The following ARID2 variants were observed in gnomAD, a reference collection of about 807,000 sequenced individuals.
ARID2 encodes the protein AT-rich interaction domain 2, also known as AT-rich interactive domain-containing protein 2.
Under a neutral mutation model 184.6 loss-of-function variants are expected in ARID2, and 32 were observed. The ratio of observed to expected loss-of-function variants is 0.17; its 90% CI spans 0.13 to 0.23. The LOEUF (loss-of-function observed/expected upper bound fraction) is 0.23. ARID2 is among the 10% of genes least tolerant of loss of function. ARID2 has a pLI of 1.00. For missense variants in ARID2, 1,696 were observed against 2,197.6 expected (o/e 0.77, Z 4.56); for synonymous variants, 836 against 772.6 (o/e 1.08, Z -1.36).
intron 3 of ARID2, among the ~76,000 whole-genome samples, chr12:45,783,064 G>C (rs1942126775): frequency 6.6e-6 from 1 of 151,806 alleles, no homozygotes. Flanking sequence ...AACCTGGGAG[G>C]CAGAGGTTGC....
chr12:45,867,425 A>G (rs962904383), intron 16 of ARID2, among the ~76,000 whole-genome samples: 7 of 151,210 alleles, frequency 4.6e-5, no homozygotes, highest in African/African-American at 1.7e-4. Flanking sequence ...CCTAATTTTA[A>G]CTTTTTTCTA....
At chr12:45,854,809 G>T (rs552117315) in intron 15 of ARID2, among the ~76,000 whole-genome samples, 2 of 152,168 alleles carry the variant, frequency 1.3e-5, no homozygotes, top group Non-Finnish European at 2.9e-5. Flanking sequence ...TAGCTAAGAC[G>T]AGGACATGTC....
chr12:45,876,289 G>A (rs768898824), intron 16 of ARID2, among the ~76,000 whole-genome samples: 11 of 152,190 alleles, frequency 7.2e-5, no homozygotes, highest in Non-Finnish European at 1.5e-4. Flanking sequence ...AGTGGCTCAC[G>A]CCTGTAATCC....
intron 3 of ARID2, among the ~76,000 whole-genome samples, chr12:45,776,958 G>GTT (rs1327791722): frequency 6.8e-6 from 1 of 146,148 alleles, no homozygotes; most frequent in South Asian, 2.2e-4. Context: ...AATTTATGTG[G>GTT]TTTTTTTTTT....
intron 3 of ARID2, among the ~76,000 whole-genome samples, chr12:45,786,447 A>G (rs1202056713): frequency 2.0e-5 from 3 of 152,252 alleles, no homozygotes; most frequent in African/African-American, 7.2e-5. Flanking sequence ...GTAAATGTGG[A>G]TGATATTAAC....
At chr12:45,780,100 C>T (rs1942060915) in intron 3 of ARID2, among the ~76,000 whole-genome samples, 1 of 152,160 alleles carries the variant, frequency 6.6e-6, no homozygotes, top group Non-Finnish European at 1.5e-5. Flanking sequence ...TAACTACATG[C>T]TGGTTATAGT....
At chr12:45,773,654 TAG>T (rs1565590857) in intron 3 of ARID2, among the ~76,000 whole-genome samples, 2 of 151,868 alleles carry the variant, frequency 1.3e-5, no homozygotes, top group South Asian at 2.1e-4. Flanking sequence ...GACAACTTTC[TAG>T]AAAGATACAA....
chr12:45,904,689 CAAAAAAAAAA>C (rs755707280), intron 20 of ARID2, among the ~76,000 whole-genome samples: 160 of 35,686 alleles, frequency 4.5e-3, no homozygotes, highest in African/African-American at 0.01. Flanking sequence ...GACTCCTTCT[CAAAAAAAAAA>C]AAAAAAAAAA....
At chr12:45,828,663 A>G (rs1327111729) in intron 6 of ARID2, among the ~76,000 whole-genome samples, 1 of 152,048 alleles carries the variant, frequency 6.6e-6, no homozygotes, top group Non-Finnish European at 1.5e-5. Context: ...TATTACAGTG[A>G]GTGTGCATTG....
chr12:45,808,085 A>T (rs1366469755), intron 3 of ARID2, among the ~76,000 whole-genome samples: 1 of 152,220 alleles, frequency 6.6e-6, no homozygotes, highest in African/African-American at 2.4e-5. Context: ...AACTGTTCAA[A>T]GTTATGTCAT....
chr12:45,826,466 G>A (rs1943003327), intron 6 of ARID2, among the ~76,000 whole-genome samples: 1 of 151,914 alleles, frequency 6.6e-6, no homozygotes, highest in South Asian at 2.1e-4. Flanking sequence ...TATCACCCAG[G>A]CTAGAGTCCA....
At chr12:45,902,815 A>G (rs1013489100) in intron 20 of ARID2, among the ~76,000 whole-genome samples, 2 of 152,158 alleles carry the variant, frequency 1.3e-5, no homozygotes, top group Admixed American at 6.5e-5. Flanking sequence ...AGCGTTTTGT[A>G]AATTTTTAAA....
intron 11 of ARID2, among the ~76,000 whole-genome samples, chr12:45,844,665 C>T (rs1317654561): frequency 6.6e-6 from 1 of 152,148 alleles, no homozygotes; most frequent in African/African-American, 2.4e-5. Context: ...TTATATAGTG[C>T]TTACTTTGTG....
intron 3 of ARID2, among the ~76,000 whole-genome samples, chr12:45,769,302 T>C (rs1480733317): frequency 6.6e-6 from 1 of 152,212 alleles, no homozygotes; most frequent in Non-Finnish European, 1.5e-5. Context: ...AAGCAATGTA[T>C]GGTGACAATT....
At chr12:45,894,914 C>T (rs1057028857) in intron 20 of ARID2, among the ~76,000 whole-genome samples, 3 of 152,154 alleles carry the variant, frequency 2.0e-5, no homozygotes, top group Non-Finnish European at 2.9e-5. Context: ...ATTGGGCTCT[C>T]TCAAGTCACA....
chr12:45,883,875 C>A (rs141760198), intron 16 of ARID2, among the ~76,000 whole-genome samples: 17 of 152,094 alleles, frequency 1.1e-4, no homozygotes, highest in African/African-American at 4.1e-4. Flanking sequence ...AAGTTCTGAG[C>A]AAACAGAAGT....
At chr12:45,904,714 AG>A (rs1944500428) in intron 20 of ARID2, among the ~76,000 whole-genome samples, 10 of 147,664 alleles carry the variant, frequency 6.8e-5, no homozygotes, top group South Asian at 6.4e-4. Context: ...AAAAAAAAAA[AG>A]GTACTATGCA....
chr12:45,899,782 C>G (rs932468921), intron 20 of ARID2, among the ~76,000 whole-genome samples: 5 of 127,396 alleles, frequency 3.9e-5, no homozygotes, highest in Non-Finnish European at 7.1e-5. Flanking sequence ...TACTTTACCC[C>G]CCCCTCCCAC....
At chr12:45,748,440 A>G (rs913296217) in intron 3 of ARID2, among the ~76,000 whole-genome samples, 2 of 152,170 alleles carry the variant, frequency 1.3e-5, no homozygotes, top group African/African-American at 2.4e-5. Flanking sequence ...AGTGCTGACA[A>G]TCATCTGAGT....
Sources: gnomAD v4.1 joint callset for allele counts (sites outside exome capture counted in the v4.1 genomes callset) on GRCh38, gnomAD v4.1.1 for gene constraint, MANE v1.5 for transcripts, NCBI Gene and HGNC (gene_info 2026-07-23, HGNC 2026-07-21) for gene names.